DUS3L: variants seen among roughly 807,000 people sequenced by gnomAD.
The protein encoded by DUS3L is tRNA-dihydrouridine(47) synthase [NAD(P)(+)]-like.
Under a neutral mutation model 74.6 loss-of-function variants are expected in DUS3L, and 62 were observed. The observed-to-expected ratio is 0.83, with a 90% CI of 0.68 to 1.03. DUS3L has a LOEUF of 1.03. Among genes scored for constraint, DUS3L ranks in the 50% least tolerant of loss-of-function variants. DUS3L has a pLI of 0.00. For synonymous variants in DUS3L, 433 were observed against 395.7 expected, an observed-to-expected ratio of 1.09 and a Z score of -1.12; for missense variants, 884 against 924.4, an observed-to-expected ratio of 0.96 and a Z score of 0.57.
At position 5,790,154 on chromosome 19, in the gene DUS3L, C is replaced by T; in HGVS notation, c.280G>A (p.Gly94Arg). 1 of 1,614,156 alleles carries T rather than the reference C, an allele frequency of 6.2e-7. No homozygotes were observed. The highest frequency in any genetic ancestry group is 8.5e-7 in the Non-Finnish European group (1 of 1,180,026). ...CTCTTCTGAGTCTGTAGCTGCTCCC[C>T]GGGCTCTGCTGCCTCCTCCGTCTGC... is the stretch of plus-strand genomic sequence containing the variant. ...DGQTEEAAEP[G>R]EQLQTQKRAR... The change falls in exon 2 of 13, where the codon GGG (glycine) becomes AGG (arginine). Residue 94 changes from glycine to arginine, a missense_variant. Physicochemically the swap from Gly to Arg is moderately radical, Grantham distance 125. Transcript: ENST00000309061.
Position 5,789,386 on chromosome 19 carries a change from G to T in DUS3L, c.721C>A (p.Pro241Thr). The change falls in exon 3 of 13, where the codon CCC becomes ACC. Residue 241 changes from proline to threonine, a missense_variant. Transcript: ENST00000309061. Reference sequence around the variant, plus strand: ...GTGCCCTCGGGGACAGCGGCAGCGGGTGTGGGGCCCTGGCTGAACCGGCGC... The same window carrying T: ...GTGCCCTCGGGGACAGCGGCAGCGGTTGTGGGGCCCTGGCTGAACCGGCGC... ...ALRRFSQGPT[P>T]AAAVPEGTAA... 1 of 1,593,262 alleles carries T rather than the reference G, an allele frequency of 6.3e-7. No homozygotes were observed. The highest frequency in any genetic ancestry group is 8.5e-7 in the Non-Finnish European group (1 of 1,172,446).
intron 3 of DUS3L, chr19:5,788,992 C>T (rs1163365770): frequency 1.3e-5 from 8 of 594,406 alleles, no homozygotes; most frequent in Admixed American, 3.9e-5. Context: ...CAGGCGTGAG[C>T]CACCGCCCCC....
chr19:5,790,155 G>T lies in DUS3L; in HGVS notation c.279C>A (p.Pro93=). The stretch of plus-strand genomic sequence containing the variant: ...TCTTCTGAGTCTGTAGCTGCTCCCC[G>T]GGCTCTGCTGCCTCCTCCGTCTGCC... ...ADGQTEEAAE[P]GEQLQTQKRA... is the part of the protein sequence containing the mutation. Residue 93 remains proline (P), a synonymous_variant, in exon 2 of 13, where the codon CCC becomes CCA. Transcript: ENST00000309061. 6.2e-7 allele frequency: 1 copy of T among 1,614,060 alleles called. No homozygotes were observed. Among genetic ancestry groups the T allele is most frequent in the Non-Finnish European group, 8.5e-7 (1 of 1,180,020 alleles).
intron 8 of DUS3L, 49 bp downstream of exon 8, chr19:5,787,012 C>T (rs1396716213): frequency 6.0e-6 from 9 of 1,499,406 alleles, no homozygotes; most frequent in East Asian, 2.5e-5. Context: ...TAGGAAGGGA[C>T]GCGGGGTCGA....
rs200024803 is a variant in DUS3L, at chr19:5,786,508, G to T, written c.1521C>A (p.Asn507Lys). ...CGGTGACACCAGTCTGCATGGCGCG[G>T]TTGGCATCCTCAAATGACAAGATGT... ...NGDILSFEDA[N>K]RAMQTGVTGI... The change falls in exon 10 of 13, where the codon AAC (asparagine) becomes AAA (lysine). Residue 507 changes from asparagine to lysine, a missense_variant. Coordinates refer to ENST00000309061, the MANE Select transcript of DUS3L (RefSeq NM_020175.3). 1.5e-5 allele frequency: 25 copies of T among 1,613,040 alleles called. No individual in the cohort carries two copies. The highest frequency in any genetic ancestry group is 2.0e-5 in the Non-Finnish European group (24 of 1,179,960).
rs755631398 is a variant in DUS3L at position 5,791,069 on chromosome 19, G to A, written c.73C>T (p.Arg25Ter). The change falls in exon 1 of 13, where the codon CGA becomes TGA. Residue 25 changes from arginine (R) to a stop codon, truncating the protein, a stop_gained. Coordinates refer to ENST00000309061, the MANE Select transcript of DUS3L (RefSeq NM_020175.3). LOFTEE classifies it high-confidence loss of function. ...TGACGCTTAATGGGCGCCACTCCTCGTTCCAAAGCTCCGGCTCCCGAGTCG... is the reference window on the plus strand; with the variant it reads ...TGACGCTTAATGGGCGCCACTCCTCATTCCAAAGCTCCGGCTCCCGAGTCG... ...GGDSGAGALE[R>*]GVAPIKRQYL... The A allele has an allele frequency of 6.2e-7, 1 of 1,606,382 alleles. No homozygotes were observed. Among genetic ancestry groups the A allele is most frequent in the South Asian group, 1.1e-5 (1 of 89,382 alleles).
intron 1 of DUS3L, 42 bp downstream of exon 1, chr19:5,791,002 C>T (rs749776376): frequency 5.8e-6 from 9 of 1,548,972 alleles, no homozygotes; most frequent in Middle Eastern, 1.8e-4. Context: ...CTATGGGTGC[C>T]GGAAAAGGCC....
rs769664332 is a variant in DUS3L, at chr19:5,788,090, C to T, written c.1029G>A (p.Leu343=). The T allele has an allele frequency of 6.2e-7, 1 of 1,613,794 alleles. No individual in the cohort carries two copies. Among genetic ancestry groups the T allele is most frequent in the Non-Finnish European group, 8.5e-7 (1 of 1,180,026 alleles). Residue 343 remains leucine, a synonymous_variant, in exon 5 of 13, where the codon CTG becomes CTA. Transcript: ENST00000309061. The part of the protein sequence containing the change: ...CGEMAVCTNL[L]QGQMSEWALL... ...GGGCCCACTCGGACATCTGGCCCTG[C>T]AGCAGGTTGGTGCAGACGGCCATCT...
chr19:5,788,202 C>CA (rs1568387381), intron 4 of DUS3L, 26 bp from the exon 5 acceptor site: 4 of 1,612,738 alleles, frequency 2.5e-6, no homozygotes, highest in Non-Finnish European at 3.4e-6. Flanking sequence ...GACAGACACA[C>CA]ATGCTCTTGC....
intron 11 of DUS3L, 43 bp downstream of exon 11, chr19:5,785,560 C>T (rs772373807): frequency 2.9e-5 from 45 of 1,565,384 alleles, no homozygotes; most frequent in Non-Finnish European, 3.5e-5. Flanking sequence ...TCTAACCAGC[C>T]GCGGCCCACG....
In DUS3L at chr19:5,789,442, TCGC is replaced by T; in HGVS notation, c.662_664del (p.Arg221_Glu222delinsGln). ...CTGCTCAGCTCGCTCGAAGCGGACC[TCGC>T]GCTTCCGCAGCTGCTGCTGCAGGGC... On this transcript the variant is annotated inframe_deletion, in exon 3 of 13. Coordinates refer to ENST00000309061, the MANE Select transcript of DUS3L (RefSeq NM_020175.3). 1 of 1,600,434 alleles carries T rather than the reference TCGC, an allele frequency of 6.2e-7. No homozygotes were observed.
chr19:5,790,228 T>C lies in DUS3L; in HGVS notation c.206A>G (p.Glu69Gly), dbSNP rs2056896631. The C allele has an allele frequency of 1.2e-6, 2 of 1,614,038 alleles. No individual in the cohort carries two copies. Among genetic ancestry groups the C allele is most frequent in the Admixed American group, 3.3e-5 (2 of 60,000 alleles). ...VGDPAGNELA[E>G]PEAKRIRLED... ...CAGTCGGATCCGCTTAGCCTCAGGC[T>C]CAGCCAGCTCATTGCCAGCAGGGTC... The change falls in exon 2 of 13, where the codon GAG becomes GGG. Residue 69 changes from glutamate to glycine, a missense_variant. Transcript: ENST00000309061.
rs1254935170 is a variant in DUS3L at position 5,790,057 on chromosome 19, G to A, written c.377C>T (p.Ser126Phe). 2 of 1,613,530 alleles carry A rather than the reference G, an allele frequency of 1.2e-6. No homozygotes were observed. The highest frequency in any genetic ancestry group is 1.7e-6 in the Non-Finnish European group (2 of 1,179,636). ...CGTGGCCGCACTTGCCTGGATTAGG[G>A]AGGGACACAGCCTGTTCTTGTCGTA... The part of the protein sequence containing the change: ...TNYDKNRLCP[S>F]LIQESAAKCF... The change falls in exon 2 of 13, where the codon TCC (serine) becomes TTC (phenylalanine). Residue 126 changes from serine to phenylalanine, a missense_variant. By Grantham distance (155) the Ser-to-Phe change is radical. Coordinates refer to ENST00000309061, the MANE Select transcript of DUS3L (RefSeq NM_020175.3).
intron 3 of DUS3L, among the ~76,000 whole-genome samples, chr19:5,788,703 CTCT>C (rs1442531760): frequency 2.1e-5 from 3 of 144,494 alleles, no homozygotes; most frequent in Non-Finnish European, 4.5e-5. Context: ...GTGTGTCCAG[CTCT>C]TTTTTTTTTT....
In DUS3L at chr19:5,785,479, G is replaced by T; in HGVS notation, c.1784C>A (p.Pro595Gln). ...GGGCGGCCGCTCGTTGATCCTCTGT[G>T]GGAGCCGCTCCAGCAGCCCCACGGG... ...YVPVGLLERL[P>Q]QRINERPPYY... The change falls in exon 12 of 13, where the codon CCA becomes CAA. Residue 595 changes from proline (P) to glutamine (Q), a missense_variant. Transcript: ENST00000309061. The T allele has an allele frequency of 1.3e-6, 2 of 1,576,738 alleles. No homozygotes were observed.
chr19:5,786,482 C>A lies in DUS3L; in HGVS notation c.1547G>T (p.Gly516Val), dbSNP rs761409647. ...GGGCACTTACCGGGCAATCATGATC[C>A]CGGTGACACCAGTCTGCATGGCGCG... is the stretch of plus-strand genomic sequence containing the variant. ...ANRAMQTGVT[G>V]IMIARGALLK... The change falls in exon 10 of 13, where the codon GGG becomes GTG. Residue 516 changes from glycine (G) to valine (V), a missense_variant. By Grantham distance (109) the Gly-to-Val change is moderately radical. Transcript: ENST00000309061. 3 of 1,612,826 alleles carry A rather than the reference C, an allele frequency of 1.9e-6. No individual in the cohort carries two copies. The highest frequency in any genetic ancestry group is 1.3e-5 in the African/African-American group (1 of 74,936).
rs1428608159 is a variant in DUS3L, at chr19:5,789,688, C to G, written c.419G>C (p.Arg140Pro). ...CCCCACGTCGTGCAGAAAGCGGCAG[C>G]GATCACCGAAGAAACACTTAGCAGC... The part of the protein sequence containing the change: ...ESAAKCFFGD[R>P]CRFLHDVGRY... The change falls in exon 3 of 13, where the codon CGC becomes CCC. Residue 140 changes from arginine to proline, a missense_variant. Coordinates refer to ENST00000309061, the MANE Select transcript of DUS3L (RefSeq NM_020175.3). 3.1e-6 allele frequency: 5 copies of G among 1,608,496 alleles called. No individual in the cohort carries two copies. Among genetic ancestry groups the G allele is most frequent in the Non-Finnish European group, 4.2e-6 (5 of 1,178,344 alleles).
intron 8 of DUS3L, 85 bp from the exon 9 acceptor site, chr19:5,786,930 C>G (rs1419163533): frequency 8.6e-6 from 13 of 1,503,612 alleles, no homozygotes; most frequent in Middle Eastern, 1.8e-4. Context: ...CTGAGAGAGA[C>G]AGAGAGAGAC....
chr19:5,789,971 T>TAACAATTAC, intron 2 of DUS3L, 76 bp downstream of exon 2: 1 of 1,579,634 alleles, frequency 6.3e-7, no homozygotes, highest in Admixed American at 1.7e-5. Flanking sequence ...AGGAGCTTTC[T>TAACAATTAC]AACAATTACC....
Sources: allele counts gnomAD v4.1 joint callset (sites outside exome capture counted in the v4.1 genomes callset), GRCh38; gene constraint gnomAD v4.1.1; transcripts MANE v1.5; gene names NCBI Gene and HGNC (gene_info 2026-07-23, HGNC 2026-07-21).